Variants in CUL3 observed in about 807,000 individuals in gnomAD.
CUL3 encodes cullin-3.
In CUL3, 19 loss-of-function variants were observed where a neutral mutation model predicts 89.1. That is an observed-to-expected ratio of 0.21 (90% CI 0.15 to 0.31). CUL3 has a LOEUF of 0.31. CUL3 is among the 10% of genes least tolerant of loss of function. CUL3 has a pLI of 1.00. For synonymous variants in CUL3, 351 were observed against 308.4 expected (o/e 1.14, Z -1.45); for missense variants, 469 against 942.3 (o/e 0.50, Z 6.58).
intron 1 of CUL3, among the ~76,000 whole-genome samples, chr2:224,562,247 T>C (rs1477496020): frequency 6.6e-6 from 1 of 152,212 alleles, no homozygotes; most frequent in African/African-American, 2.4e-5. Flanking sequence ...CGTTTTTTTT[T>C]TCTTTTTAAA....
chr2:224,537,457 C>T (rs1478580263), intron 2 of CUL3, among the ~76,000 whole-genome samples: 1 of 152,064 alleles, frequency 6.6e-6, no homozygotes. Flanking sequence ...CCAGAAATTC[C>T]TCCAAAAATG....
rs891422805 is a variant in CUL3, at chr2:224,471,447, T to C, written c.*2798A>G. The C allele has an allele frequency of 2.4e-4, 48 of 196,882 alleles. No individual in the cohort carries two copies. Among genetic ancestry groups the C allele is most frequent in the African/African-American group, 6.9e-4 (30 of 43,388 alleles). The allele number at this position is 196,882 out of a possible 1,614,324, so 12.2% of individuals were successfully genotyped here. Reference sequence around the variant, plus strand: ...TAGTCTTCTAGAGATGTAGGCATAATCTTAAAACTGGTTCTAGGCCTTTTC... The same window carrying C: ...TAGTCTTCTAGAGATGTAGGCATAACCTTAAAACTGGTTCTAGGCCTTTTC... On this transcript the variant is annotated 3_prime_UTR_variant, in exon 16 of 16. Coordinates refer to ENST00000264414, the MANE Select transcript of CUL3 (RefSeq NM_003590.5).
intron 2 of CUL3, among the ~76,000 whole-genome samples, chr2:224,538,332 A>G (rs1693968714): frequency 6.6e-6 from 1 of 152,248 alleles, no homozygotes; most frequent in African/African-American, 2.4e-5. Flanking sequence ...AATGGTAGGA[A>G]TGAGATGAAG....
chr2:224,535,420 T>C (rs1693858408), intron 3 of CUL3, 108 bp downstream of exon 3: 3 of 651,120 alleles, frequency 4.6e-6, no homozygotes, highest in South Asian at 1.9e-5. Context: ...TATGCCCACC[T>C]TGGCCTCCCA....
rs548225909 is a variant in CUL3 at position 224,530,108 on chromosome 2, A to G, written c.378+5420T>C. Among the ~76,000 whole-genome samples, 701 of 152,006 alleles carry G rather than the reference A, an allele frequency of 4.6e-3. 6 individuals carry two copies. The highest frequency in any genetic ancestry group is 0.013 in the African/African-American group (553 of 41,436). On this transcript the variant is annotated intron_variant, in intron 3 of 15. Transcript: ENST00000264414. ...AAAAAAATTAGCCGGGCGTGGTGGC[A>G]GGCGCCTGTAGTCCCAACTACTCAG...
intron 3 of CUL3, among the ~76,000 whole-genome samples, chr2:224,522,535 TA>T (rs35029998): frequency 6.6e-5 from 10 of 152,166 alleles, no homozygotes; most frequent in Non-Finnish European, 1.5e-4. Context: ...TAGCCACTAC[TA>T]AAAAGCTCAG....
At position 224,474,177 on chromosome 2, in the gene CUL3, A is replaced by ATT. The variant is rs1361250682; in HGVS notation, c.*66_*67dup. On this transcript the variant is annotated 3_prime_UTR_variant, in exon 16 of 16. Coordinates refer to ENST00000264414, the MANE Select transcript of CUL3 (RefSeq NM_003590.5). ...GAGATGGTCGTCTTAATATTTAATG[A>ATT]TTTAAAAGAACTTCCCAGTCCATGC... is the stretch of plus-strand genomic sequence containing the variant. The ATT allele has an allele frequency of 8.0e-6, 12 of 1,492,486 alleles. No homozygotes were observed. The East Asian group carries it at 2.7e-4, about 34-fold the overall frequency. 92.5% of individuals were successfully genotyped at this position (1,492,486 alleles called of 1,614,324 possible).
chr2:224,523,749 A>T (rs1419750054), intron 3 of CUL3, among the ~76,000 whole-genome samples: 2 of 152,194 alleles, frequency 1.3e-5, no homozygotes, highest in African/African-American at 4.8e-5. Flanking sequence ...AAGGAAGTAA[A>T]CTCTCACATA....
chr2:224,554,441 C>T (rs191364363), intron 2 of CUL3, among the ~76,000 whole-genome samples: 2 of 152,310 alleles, frequency 1.3e-5, no homozygotes, highest in Admixed American at 6.5e-5. Flanking sequence ...GCCCCTTACA[C>T]TGAATTTCAG....
At chr2:224,530,247 A>C (rs948316123) in intron 3 of CUL3, among the ~76,000 whole-genome samples, 1 of 152,108 alleles carries the variant, frequency 6.6e-6, no homozygotes, top group Non-Finnish European at 1.5e-5. Flanking sequence ...TCAAAAAAAC[A>C]AAACAAAACA....
At position 224,584,932 on chromosome 2, in the gene CUL3, G is replaced by A; in HGVS notation, c.66+12C>T. The A allele has an allele frequency of 1.4e-6, 2 of 1,474,758 alleles. No individual in the cohort carries two copies. The highest frequency in any genetic ancestry group is 1.8e-6 in the Non-Finnish European group (2 of 1,100,648). The allele number at this position is 1,474,758 out of a possible 1,614,324, so 91.4% of individuals were successfully genotyped here. A position where few individuals can be genotyped will look rare whatever the true frequency, so the allele number is the denominator to read the frequency against. ...CCGGCCCCGGGGTCCCGGACGCCGA[G>A]GAGAGACTCACCGGAAAGGCCCGGA... On this transcript the variant is annotated intron_variant, in intron 1 of 15. Transcript: ENST00000264414.
intron 1 of CUL3, among the ~76,000 whole-genome samples, chr2:224,569,201 C>A (rs1405481544): frequency 6.6e-6 from 1 of 152,122 alleles, no homozygotes; most frequent in Non-Finnish European, 1.5e-5. Flanking sequence ...ACTGCAAATA[C>A]ACTAAGGGAT....
intron 3 of CUL3, among the ~76,000 whole-genome samples, chr2:224,522,827 C>CA (rs777324032): frequency 6.8e-5 from 10 of 147,512 alleles, no homozygotes; most frequent in Admixed American, 6.8e-4. Context: ...GACACCGTCT[C>CA]AAAAAAACAA....
Position 224,505,998 on chromosome 2 carries a change from G to A in CUL3, c.1164C>T (p.Leu388=), listed in dbSNP as rs1692586310. 1 of 1,607,484 alleles carries A rather than the reference G, an allele frequency of 6.2e-7. No homozygotes were observed. The highest frequency in any genetic ancestry group is 8.5e-7 in the Non-Finnish European group (1 of 1,176,430). ...TCAGCTTATCATCAATAAATAATGA[G>A]AGGTATTCAGGAGACCTGGAGTTGA... ...LNLNSRSPEY[L]SLFIDDKLKK... is the part of the protein sequence containing the mutation. The change falls in exon 8 of 16, where the codon CTC becomes CTT. Residue 388 remains leucine, a synonymous_variant. Transcript: ENST00000264414.
At chr2:224,549,683 T>TA (rs1178961730) in intron 2 of CUL3, among the ~76,000 whole-genome samples, 1 of 152,212 alleles carries the variant, frequency 6.6e-6, no homozygotes. Context: ...AGTCCTTTGT[T>TA]ACTCTACAAC....
At chr2:224,558,722 T>C (rs1468435317) in intron 1 of CUL3, among the ~76,000 whole-genome samples, 3 of 152,134 alleles carry the variant, frequency 2.0e-5, no homozygotes, top group Non-Finnish European at 4.4e-5. Context: ...AGTAAATCTC[T>C]AGTTCTATGC....
Position 224,585,359 on chromosome 2 carries a change from T to A in CUL3, c.-350A>T, listed in dbSNP as rs902524323. The A allele has an allele frequency of 2.5e-4, 96 of 382,982 alleles. No homozygotes were observed. The highest frequency in any genetic ancestry group is 4.1e-4 in the Non-Finnish European group (89 of 216,516). 23.7% of individuals were successfully genotyped at this position (382,982 alleles called of 1,614,324 possible). A position where few individuals can be genotyped will look rare whatever the true frequency, so the allele number is the denominator to read the frequency against. On this transcript the variant is annotated 5_prime_UTR_variant, in exon 1 of 16. Coordinates refer to ENST00000264414, the MANE Select transcript of CUL3 (RefSeq NM_003590.5). ...ATCTCACTGCGCAGGCCGAACGTCG[T>A]CCTCCTCCTCCTCCTTCTCCTCCTC... is the stretch of plus-strand genomic sequence containing the variant.
At chr2:224,567,951 A>T (rs995545563) in intron 1 of CUL3, among the ~76,000 whole-genome samples, 1 of 152,112 alleles carries the variant, frequency 6.6e-6, no homozygotes, top group African/African-American at 2.4e-5. Flanking sequence ...TTTCCCAACA[A>T]CATTAAACCA....
At chr2:224,579,646 G>C (rs1695389188) in intron 1 of CUL3, among the ~76,000 whole-genome samples, 2 of 152,148 alleles carry the variant, frequency 1.3e-5, no homozygotes, top group Admixed American at 1.3e-4. Context: ...TACACAAGTG[G>C]AGTTCCTCTA....
Sources: allele counts gnomAD v4.1 joint callset (sites outside exome capture counted in the v4.1 genomes callset), GRCh38; gene constraint gnomAD v4.1.1; transcripts MANE v1.5; gene names NCBI Gene and HGNC (gene_info 2026-07-23, HGNC 2026-07-21).